Variants in DCAF11 observed in about 807,000 individuals in gnomAD.
The protein encoded by DCAF11 is DDB1 and CUL4 associated factor 11.
DCAF11 carries 44 observed loss-of-function variants against 76.1 expected under a neutral mutation model. The ratio of observed to expected loss-of-function variants is 0.58; its 90% confidence interval spans 0.45 to 0.74. The LOEUF is 0.74. Among genes scored for constraint, DCAF11 ranks in the 30% least tolerant of loss-of-function variants. The probability of loss-of-function intolerance (pLI) is 0.00; values close to 1 mark genes in which losing one functional copy is unlikely to be tolerated. For missense variants in DCAF11, 604 were observed against 709.4 expected (o/e 0.85, Z 1.69); for synonymous variants, 258 against 255.0 (o/e 1.01, Z -0.11).
chr14:24,117,526 C>T lies in DCAF11; in HGVS notation c.411+133C>T, dbSNP rs767011490. ...CGCTGGGGCTGGAGAGTTAACCAGC[C>T]TCCATCGGAGTTCTGTGGGACAGAC... On this transcript the variant is annotated intron_variant, in intron 4 of 14. Coordinates refer to ENST00000446197, the MANE Select transcript of DCAF11 (RefSeq NM_025230.5). The surrounding 1 kb of genome is among the most constrained non-coding windows in gnomAD (Gnocchi z 4.3). The T allele has an allele frequency of 1.3e-4, 201 of 1,527,098 alleles. No individual in the cohort carries two copies. The highest frequency in any genetic ancestry group is 1.7e-4 in the Non-Finnish European group (189 of 1,124,432). 94.6% of individuals were successfully genotyped at this position (1,527,098 alleles called of 1,614,324 possible).
chr14:24,118,838 A>T (rs1162019069), intron 8 of DCAF11, 34 bp downstream of exon 8: 2 of 1,611,180 alleles, frequency 1.2e-6, no homozygotes, highest in South Asian at 2.2e-5. Flanking sequence ...GACTCATCAG[A>T]AACTTCTCAA....
rs1448971946 is a variant in DCAF11 at position 24,115,596 on chromosome 14, TG to T, written c.5del (p.Gly2?). On this transcript the variant is annotated frameshift_variant and start_lost, in exon 2 of 15. Coordinates refer to ENST00000446197, the MANE Select transcript of DCAF11 (RefSeq NM_025230.5). LOFTEE classifies it high-confidence loss of function. ...ACCTAAGAATGCTGTGACCAGAAGATGGGATCGCGGAACAGCAGCAGTGCAG... is the reference window on the plus strand; with the variant it reads ...ACCTAAGAATGCTGTGACCAGAAGATGGATCGCGGAACAGCAGCAGTGCAG... [M>X]GSRNSSSAGS... 1 of 1,611,954 alleles carries T rather than the reference TG, an allele frequency of 6.2e-7. No homozygotes were observed. Among genetic ancestry groups the T allele is most frequent in the Non-Finnish European group, 8.5e-7 (1 of 1,178,960 alleles).
chr14:24,116,842 A>C, intron 2 of DCAF11, 75 bp from the exon 3 acceptor site: 2 of 1,601,990 alleles, frequency 1.2e-6, no homozygotes, highest in Non-Finnish European at 1.7e-6. Context: ...TCTAAGAGCT[A>C]GATAGCCATT....
chr14:24,120,452 G>A (rs962114448), intron 11 of DCAF11, among the ~76,000 whole-genome samples: 12 of 152,234 alleles, frequency 7.9e-5, no homozygotes, highest in African/African-American at 2.2e-4. Context: ...ATCTACTCAA[G>A]AGGCTGAGGC....
rs1019527939 is a variant in DCAF11 at position 24,118,112 on chromosome 14, C to T, written c.534C>T (p.Gly178=). The change falls in exon 6 of 15, where the codon GGC becomes GGT. Residue 178 remains glycine, a synonymous_variant. Coordinates refer to ENST00000446197, the MANE Select transcript of DCAF11 (RefSeq NM_025230.5). The stretch of plus-strand genomic sequence containing the variant: ...GCTACTCTCAGAAGGCTTTCTGTGG[C>T]ATCTACAGCAAAGATGGTCAAATAT... The part of the protein sequence containing the change: ...TDSYSQKAFC[G]IYSKDGQIFM... The T allele has an allele frequency of 6.2e-7, 1 of 1,613,162 alleles. No homozygotes were observed. The highest frequency in any genetic ancestry group is 1.3e-5 in the African/African-American group (1 of 74,970).
intron 11 of DCAF11, 146 bp from the exon 12 acceptor site, chr14:24,120,692 C>T (rs1429219686): frequency 9.7e-6 from 10 of 1,029,784 alleles, no homozygotes; most frequent in East Asian, 2.5e-5. Flanking sequence ...TGAGGCAGAA[C>T]GCTGGAAATG....
At chr14:24,118,250 T>C in intron 6 of DCAF11, 95 bp downstream of exon 6, 2 of 1,570,410 alleles carry the variant, frequency 1.3e-6, no homozygotes, top group African/African-American at 2.7e-5. Context: ...AGCTCAGACC[T>C]GGCTTAAGGA....
intron 9 of DCAF11, 133 bp downstream of exon 9, chr14:24,119,346 A>G: frequency 7.5e-7 from 1 of 1,326,880 alleles, no homozygotes; most frequent in Non-Finnish European, 1.1e-6. Context: ...AGGATTTACA[A>G]GTTGCTTCAC....
intron 2 of DCAF11, 78 bp from the exon 3 acceptor site, chr14:24,116,835 AAGAG>A (rs2037585937): frequency 1.0e-5 from 16 of 1,595,364 alleles, no homozygotes; most frequent in Non-Finnish European, 1.4e-5. Context: ...CAAGTGGTCT[AAGAG>A]CTAGATAGCC....
intron 13 of DCAF11, 147 bp downstream of exon 13, chr14:24,121,664 T>C: frequency 1.2e-6 from 1 of 803,670 alleles, no homozygotes; most frequent in South Asian, 2.1e-5. Context: ...AACAGAGAAA[T>C]AGAAACCATT....
In DCAF11 at chr14:24,123,584, G is replaced by A. The variant is rs1482204247; in HGVS notation, c.*275G>A. On this transcript the variant is annotated 3_prime_UTR_variant, in exon 15 of 15. Transcript: ENST00000446197. ...TGGGGTGTGGCCTCTGCCAGCAAGA[G>A]AAGTGTCCTGGGTGTTTTTAATCAT... The A allele has an allele frequency of 2.4e-6, 1 of 408,832 alleles. No homozygotes were observed. The highest frequency in any genetic ancestry group is 4.3e-6 in the Non-Finnish European group (1 of 234,236). 25.3% of individuals were successfully genotyped at this position (408,832 alleles called of 1,614,324 possible).
intron 2 of DCAF11, among the ~76,000 whole-genome samples, chr14:24,116,259 G>A (rs2037560773): frequency 6.6e-6 from 1 of 152,250 alleles, no homozygotes; most frequent in Non-Finnish European, 1.5e-5. Flanking sequence ...GGAAAAGGGT[G>A]CAGCTGGCTT....
chr14:24,123,449 C>G lies in DCAF11; in HGVS notation c.*140C>G, dbSNP rs1488667366. 17 of 1,318,426 alleles carry G rather than the reference C, an allele frequency of 1.3e-5. No individual in the cohort carries two copies. The highest frequency in any genetic ancestry group is 6.0e-6 in the Non-Finnish European group (6 of 1,008,240). 81.7% of individuals were successfully genotyped at this position (1,318,426 alleles called of 1,614,324 possible). ...CATAAGCCTGGGCTCTGAGCCTCAG[C>G]TGAGCCCTGGAAGATTCTCCCCATG... On this transcript the variant is annotated 3_prime_UTR_variant, in exon 15 of 15. Coordinates refer to ENST00000446197, the MANE Select transcript of DCAF11 (RefSeq NM_025230.5).
chr14:24,121,407 C>G lies in DCAF11; in HGVS notation c.1289C>G (p.Thr430Ser), dbSNP rs1174036102. The G allele has an allele frequency of 6.2e-7, 1 of 1,614,226 alleles. No individual in the cohort carries two copies. The highest frequency in any genetic ancestry group is 1.1e-5 in the South Asian group (1 of 91,090). The change falls in exon 13 of 15, where the codon ACC (threonine) becomes AGC (serine). Residue 430 changes from threonine to serine, a missense_variant. Thr to Ser is a moderately conservative substitution (Grantham distance 58). Coordinates refer to ENST00000446197, the MANE Select transcript of DCAF11 (RefSeq NM_025230.5). The part of the protein sequence containing the change: ...LKLPGDSSLM[T>S]YRGHGVLHTL... ...CTCCCAGGGGACAGCTCCTTGATGA[C>G]CTACCGGGGCCACGGAGTGCTGCAC...
Position 24,117,106 on chromosome 14 carries a change from G to A in DCAF11, c.283+62G>A. ...CTAGAAAACCTTTTAGTGATATTTT[G>A]AATGATAGGTTACATTGAAAGAAGG... On this transcript the variant is annotated intron_variant, in intron 3 of 14. Coordinates refer to ENST00000446197, the MANE Select transcript of DCAF11 (RefSeq NM_025230.5). This position sits in a 1 kb window ranked among gnomAD's most constrained non-coding sequence, Gnocchi z 4.3. 2 of 1,612,452 alleles carry A rather than the reference G, an allele frequency of 1.2e-6. No individual in the cohort carries two copies. The highest frequency in any genetic ancestry group is 2.2e-5 in the South Asian group (2 of 90,922).
Position 24,123,399 on chromosome 14 carries a change from A to C in DCAF11, c.*90A>C. 3 of 1,477,608 alleles carry C rather than the reference A, an allele frequency of 2.0e-6. No individual in the cohort carries two copies. Among genetic ancestry groups the C allele is most frequent in the Non-Finnish European group, 2.7e-6 (3 of 1,111,608 alleles). 91.5% of individuals were successfully genotyped at this position (1,477,608 alleles called of 1,614,324 possible). A position where few individuals can be genotyped will look rare whatever the true frequency, so the allele number is the denominator to read the frequency against. On this transcript the variant is annotated 3_prime_UTR_variant, in exon 15 of 15. Coordinates refer to ENST00000446197, the MANE Select transcript of DCAF11 (RefSeq NM_025230.5). ...TCCCTTGTGGGGAATGTTTGGAGGA[A>C]TCACTGGCATTTGATGGGGAATAAC... is the stretch of plus-strand genomic sequence containing the variant.
intron 10 of DCAF11, 38 bp from the exon 11 acceptor site, chr14:24,119,673 A>G: frequency 2.5e-6 from 4 of 1,614,152 alleles, no homozygotes; most frequent in Non-Finnish European, 3.4e-6. Context: ...TATAAGACCT[A>G]GAAAGAGGTC....
chr14:24,124,763 C>G lies in DCAF11; in HGVS notation c.*1454C>G, dbSNP rs138577883. 6.6e-6 allele frequency: 1 copy of G among 152,130 alleles called. No homozygotes were observed. The highest frequency in any genetic ancestry group is 2.4e-5 in the African/African-American group (1 of 41,382). The allele number at this position is 152,130 out of a possible 1,614,324, so 9.4% of individuals were successfully genotyped here. A position where few individuals can be genotyped will look rare whatever the true frequency, so the allele number is the denominator to read the frequency against. The stretch of plus-strand genomic sequence containing the variant: ...TCTACAAAAAATACAAAAAGTAGGC[C>G]GGGCACGGTGGTTCACACCTGTAAT... On this transcript the variant is annotated 3_prime_UTR_variant, in exon 15 of 15. Transcript: ENST00000446197.
intron 13 of DCAF11, chr14:24,121,780 A>T (rs1327750502): frequency 2.5e-6 from 1 of 404,104 alleles, no homozygotes; most frequent in Non-Finnish European, 4.5e-6. Flanking sequence ...CCAGTCAAGA[A>T]AGAGGTTGCA....
Sources: allele counts gnomAD v4.1 joint callset (sites outside exome capture counted in the v4.1 genomes callset), GRCh38; gene constraint gnomAD v4.1.1; non-coding constraint Gnocchi (gnomAD v3.1); transcripts MANE v1.5; gene names NCBI Gene and HGNC (gene_info 2026-07-23, HGNC 2026-07-21).